The following ADARB2 variants were observed in gnomAD, a reference collection of about 807,000 sequenced individuals.
The protein encoded by ADARB2 is inactive double-stranded RNA-specific editase B2.
Under a neutral mutation model 62.2 loss-of-function variants are expected in ADARB2, and 25 were observed. The observed-to-expected ratio is 0.40, with a 90% CI of 0.29 to 0.56. The LOEUF (loss-of-function observed/expected upper bound fraction) is 0.56. ADARB2 is among the 20% of genes least tolerant of loss of function. The probability of loss-of-function intolerance (pLI) is 0.43; values close to 1 mark genes in which losing one functional copy is unlikely to be tolerated. For missense variants in ADARB2, 1,071 were observed against 1,077.4 expected, an observed-to-expected ratio of 0.99 and a Z score of 0.08; for synonymous variants, 572 against 500.8, an observed-to-expected ratio of 1.14 and a Z score of -1.90.
At chr10:1,624,658 A>T (rs918275190) in intron 1 of ADARB2, among the ~76,000 whole-genome samples, 1 of 121,026 alleles carries the variant, frequency 8.3e-6, no homozygotes, top group South Asian at 2.3e-4. Flanking sequence ...ACTCTTTATT[A>T]AAAAAATTAT....
intron 1 of ADARB2, among the ~76,000 whole-genome samples, chr10:1,440,398 A>T (rs560359338): frequency 6.7e-6 from 1 of 149,840 alleles, no homozygotes; most frequent in South Asian, 2.1e-4. Context: ...AGTCCTTAAT[A>T]TTCCACACCT....
chr10:1,481,293 A>C (rs989074844), intron 1 of ADARB2, among the ~76,000 whole-genome samples: 2 of 152,242 alleles, frequency 1.3e-5, no homozygotes, highest in African/African-American at 4.8e-5. Flanking sequence ...ACCAGCTGCA[A>C]AAACAAACTC....
At chr10:1,685,818 C>G (rs948282203) in intron 1 of ADARB2, among the ~76,000 whole-genome samples, 3 of 152,194 alleles carry the variant, frequency 2.0e-5, no homozygotes, top group African/African-American at 7.2e-5. Flanking sequence ...AAAATGCAGC[C>G]AGCACTTGTG....
At chr10:1,479,875 G>C (rs185516398) in intron 1 of ADARB2, among the ~76,000 whole-genome samples, 2 of 152,168 alleles carry the variant, frequency 1.3e-5, no homozygotes, top group African/African-American at 2.4e-5. Flanking sequence ...GAAGGACTCC[G>C]TGCTTAAGCC....
At chr10:1,349,671 T>C (rs1310713420) in intron 3 of ADARB2, among the ~76,000 whole-genome samples, 1 of 151,630 alleles carries the variant, frequency 6.6e-6, no homozygotes, top group Non-Finnish European at 1.5e-5. Context: ...TCCCTTCTCT[T>C]AATTTCAATT....
At chr10:1,582,660 C>T (rs931762020) in intron 1 of ADARB2, among the ~76,000 whole-genome samples, 1 of 152,190 alleles carries the variant, frequency 6.6e-6, no homozygotes, top group African/African-American at 2.4e-5. Flanking sequence ...TGAACTCAAG[C>T]CACATCTGCT....
chr10:1,420,022 GTAAAA>G (rs1219472097), intron 1 of ADARB2, among the ~76,000 whole-genome samples: 3 of 152,178 alleles, frequency 2.0e-5, no homozygotes, highest in Non-Finnish European at 4.4e-5. Flanking sequence ...GAGAAGATAA[GTAAAA>G]TAAATATTGT....
At chr10:1,306,602 G>A (rs1337299515) in intron 3 of ADARB2, among the ~76,000 whole-genome samples, 1 of 145,918 alleles carries the variant, frequency 6.9e-6, no homozygotes, top group Non-Finnish European at 1.5e-5. Context: ...GCATCGCTAA[G>A]TCAATCCTAA....
At chr10:1,463,769 T>A (rs1393292314) in intron 1 of ADARB2, among the ~76,000 whole-genome samples, 1 of 152,124 alleles carries the variant, frequency 6.6e-6, no homozygotes, top group Non-Finnish European at 1.5e-5. Context: ...GAGAAAATAT[T>A]TGCAAATCAC....
intron 1 of ADARB2, among the ~76,000 whole-genome samples, chr10:1,617,186 T>C (rs868535051): frequency 1.7e-3 from 153 of 87,948 alleles, no homozygotes; most frequent in Admixed American, 2.3e-3. Context: ...TGCATTCTGT[T>C]GCTAGATGTT....
At chr10:1,560,251 C>G (rs569432111) in intron 1 of ADARB2, among the ~76,000 whole-genome samples, 4 of 152,208 alleles carry the variant, frequency 2.6e-5, no homozygotes, top group Admixed American at 6.5e-5. Context: ...TCTACTTTCT[C>G]CCTTGTTCCT....
At chr10:1,261,612 A>T (rs1337679808) in intron 4 of ADARB2, among the ~76,000 whole-genome samples, 2 of 149,094 alleles carry the variant, frequency 1.3e-5, no homozygotes, top group Non-Finnish European at 1.5e-5. Flanking sequence ...ACCATCTCAC[A>T]CCAGGCAATC....
intron 6 of ADARB2, among the ~76,000 whole-genome samples, chr10:1,220,954 GGA>G (rs2131758587): frequency 6.6e-6 from 1 of 152,246 alleles, no homozygotes; most frequent in Admixed American, 6.5e-5. Context: ...GTTTATTTTT[GGA>G]GGTGTTCAGT....
intron 1 of ADARB2, among the ~76,000 whole-genome samples, chr10:1,703,462 G>C (rs910484893): frequency 6.6e-6 from 1 of 152,142 alleles, no homozygotes; most frequent in Non-Finnish European, 1.5e-5. Flanking sequence ...TAAGACAAGA[G>C]AAATAGTAGT....
At chr10:1,624,471 A>G (rs1833742972) in intron 1 of ADARB2, among the ~76,000 whole-genome samples, 1 of 151,904 alleles carries the variant, frequency 6.6e-6, no homozygotes, top group South Asian at 2.1e-4. Flanking sequence ...TTGCCTCCCC[A>G]CCGGCTGGGG....
intron 1 of ADARB2, among the ~76,000 whole-genome samples, chr10:1,552,711 G>A (rs899792189): frequency 6.6e-6 from 1 of 151,748 alleles, no homozygotes; most frequent in African/African-American, 2.4e-5. Context: ...ACAGGAGGAG[G>A]GAGGGAAGGG....
intron 1 of ADARB2, among the ~76,000 whole-genome samples, chr10:1,449,873 A>G (rs1329047273): frequency 1.3e-5 from 2 of 152,252 alleles, no homozygotes; most frequent in African/African-American, 4.8e-5. Context: ...TAATGTCATC[A>G]TTTCACTGAG....
At chr10:1,211,173 C>G (rs949461401) in intron 7 of ADARB2, among the ~76,000 whole-genome samples, 2 of 150,532 alleles carry the variant, frequency 1.3e-5, no homozygotes, top group African/African-American at 4.9e-5. Flanking sequence ...AATCTATGAT[C>G]TATCATCTAA....
chr10:1,439,951 C>G (rs1242073203), intron 1 of ADARB2, among the ~76,000 whole-genome samples: 1 of 149,564 alleles, frequency 6.7e-6, no homozygotes, highest in Non-Finnish European at 1.5e-5. Context: ...GCTCCTGAGT[C>G]TCCTCGGTGG....
Sources: allele counts gnomAD v4.1 joint callset (sites outside exome capture counted in the v4.1 genomes callset), GRCh38; gene constraint gnomAD v4.1.1; transcripts MANE v1.5; gene names NCBI Gene and HGNC (gene_info 2026-07-23, HGNC 2026-07-21).